Variants in SPNS2 observed in about 807,000 individuals in gnomAD.
The protein encoded by SPNS2 is sphingosine-1-phosphate transporter SPNS2.
Under a neutral mutation model 57.6 loss-of-function variants are expected in SPNS2, and 37 were observed. The ratio of observed to expected loss-of-function variants is 0.64; its 90% CI spans 0.49 to 0.85. The LOEUF (loss-of-function observed/expected upper bound fraction) is 0.85. SPNS2 is among the 40% of genes least tolerant of loss of function. The pLI, the probability that SPNS2 is intolerant of heterozygous loss-of-function variation, is 0.00. For synonymous variants in SPNS2, 440 were observed against 346.9 expected, an observed-to-expected ratio of 1.27 and a Z score of -2.98; for missense variants, 831 against 779.1, an observed-to-expected ratio of 1.07 and a Z score of -0.79.
rs1193555004 is a variant in SPNS2 at position 4,512,456 on chromosome 17, C to T, written c.371-791C>T. ...TTCTGGGTGGTCCAGCTGCTGCCCC[C>T]ACCCCGTGACGTGCAAAGCCCTAAA... On this transcript the variant is annotated intron_variant, in intron 1 of 12. Transcript: ENST00000329078. This position sits in a 1 kb window ranked among gnomAD's most constrained non-coding sequence, Gnocchi z 5.2. Among the ~76,000 whole-genome samples the T allele has an allele frequency of 1.3e-5, 2 of 152,098 alleles. No homozygotes were observed. The highest frequency in any genetic ancestry group is 2.1e-4 in the South Asian group (1 of 4,820).
At chr17:4,530,971 C>A in intron 4 of SPNS2, 82 bp from the exon 5 acceptor site, 10 of 1,542,382 alleles carry the variant, frequency 6.5e-6, no homozygotes, top group Admixed American at 3.6e-5. Flanking sequence ...GGAGGGTGGG[C>A]AGCCTGCCTT....
rs769127856 is a variant in SPNS2 at position 4,536,257 on chromosome 17, T to G, written c.1444-6T>G. 6.2e-7 allele frequency: 1 copy of G among 1,611,452 alleles called. No homozygotes were observed. The highest frequency in any genetic ancestry group is 8.5e-7 in the Non-Finnish European group (1 of 1,179,420). Reference sequence around the variant, plus strand: ...TGCCCTGACATCCACCCCCAAATCCTCGCAGATCTCAGACCTGATCCGCCA... The same window carrying G: ...TGCCCTGACATCCACCCCCAAATCCGCGCAGATCTCAGACCTGATCCGCCA... On this transcript the variant is annotated splice_region_variant and splice_polypyrimidine_tract_variant and intron_variant, in intron 10 of 12. Transcript: ENST00000329078.
Position 4,536,359 on chromosome 17 carries a change from C to G in SPNS2, c.1540C>G (p.Leu514Val), listed in dbSNP as rs752706580. The G allele has an allele frequency of 9.8e-5, 158 of 1,610,290 alleles. No homozygotes were observed. The highest frequency in any genetic ancestry group is 1.3e-4 in the Non-Finnish European group (152 of 1,179,892). Residue 514 changes from leucine to valine, a missense_variant, in exon 11 of 13, where the codon CTG becomes GTG. Around this residue, in one of 2 missense-constraint regions of SPNS2, gnomAD observed 526 missense variants for 400.9 expected, o/e 1.31. Transcript: ENST00000329078. ...ALMLCPFVVV[L>V]GGMFFLATAL... ...CATGCTCTGCCCTTTCGTCGTGGTC[C>G]TGGGCGGCATGTTCTTCCTCGCCAC...
chr17:4,500,180 C>T (rs527714847), intron 1 of SPNS2, among the ~76,000 whole-genome samples: 1 of 152,348 alleles, frequency 6.6e-6, no homozygotes, highest in East Asian at 1.9e-4. Context: ...CTCTGGGAAT[C>T]AGCCTTGGGG....
rs773758403 is a variant in SPNS2, at chr17:4,499,827, C to T, written c.370+410C>T. On this transcript the variant is annotated intron_variant, in intron 1 of 12. Transcript: ENST00000329078. The surrounding 1 kb of genome is among the most constrained non-coding windows in gnomAD (Gnocchi z 5.2). ...CTTCCCCCAGCCCAGGTCGTCTGTC[C>T]GTCCATGGCCCGTCAGTTCCTTCCT... Among the ~76,000 whole-genome samples the T allele has an allele frequency of 6.6e-6, 1 of 152,208 alleles. No individual in the cohort carries two copies.
intron 2 of SPNS2, among the ~76,000 whole-genome samples, chr17:4,519,422 G>A (rs1047822241): frequency 3.3e-5 from 5 of 152,206 alleles, no homozygotes; most frequent in African/African-American, 1.2e-4. Flanking sequence ...GCCGTGAGAG[G>A]TGGACAGCAC....
Position 4,510,530 on chromosome 17 carries a change from C to T in SPNS2, c.371-2717C>T, listed in dbSNP as rs1904802738. On this transcript the variant is annotated intron_variant, in intron 1 of 12. Coordinates refer to ENST00000329078, the MANE Select transcript of SPNS2 (RefSeq NM_001124758.3). This position sits in a 1 kb window ranked among gnomAD's most constrained non-coding sequence, Gnocchi z 4.4. ...ATAGCTGGATACTGCAGGGAGGAAG[C>T]GAGAGTGCTTTGATTTGCCGTGGAC... Among the ~76,000 whole-genome samples the T allele has an allele frequency of 6.6e-6, 1 of 152,104 alleles. No individual in the cohort carries two copies. The highest frequency in any genetic ancestry group is 2.1e-4 in the South Asian group (1 of 4,828).
At position 4,508,622 on chromosome 17, in the gene SPNS2, G is replaced by T. The variant is rs575906155; in HGVS notation, c.371-4625G>T. 3.9e-5 allele frequency among the ~76,000 whole-genome samples: 6 copies of T among 152,326 alleles called. No individual in the cohort carries two copies. The South Asian group carries it at 1.2e-3, about 32-fold the overall frequency. On this transcript the variant is annotated intron_variant, in intron 1 of 12. Coordinates refer to ENST00000329078, the MANE Select transcript of SPNS2 (RefSeq NM_001124758.3). ...AAGAGCTGGCTTAGGGCCAGACCGT[G>T]GAGGCCTCAGATGCTAGAATTCTGG...
rs868113905 is a variant in SPNS2 at position 4,533,023 on chromosome 17, G to A, written c.982G>A (p.Ala328Thr). 8 of 1,613,170 alleles carry A rather than the reference G, an allele frequency of 5.0e-6. No individual in the cohort carries two copies. Among genetic ancestry groups the A allele is most frequent in the African/African-American group, 2.7e-5 (2 of 74,918 alleles). Residue 328 changes from alanine to threonine, a missense_variant, in exon 7 of 13, where the codon GCC (alanine) becomes ACC (threonine). By Grantham distance (58) the Ala-to-Thr change is moderately conservative. Coordinates refer to ENST00000329078, the MANE Select transcript of SPNS2 (RefSeq NM_001124758.3). ...SSLATSAVSF[A>T]TGALGMWIPL... ...CCTGGCCACGTCGGCTGTCTCCTTC[G>A]CCACGGGGGCCCTGGGCATGTGGAT... is the stretch of plus-strand genomic sequence containing the variant.
At chr17:4,505,638 C>T (rs1335361850) in intron 1 of SPNS2, among the ~76,000 whole-genome samples, 1 of 152,238 alleles carries the variant, frequency 6.6e-6, no homozygotes, top group Non-Finnish European at 1.5e-5. Flanking sequence ...CCAGGTCACA[C>T]AGTGAGGCCG....
chr17:4,538,655 G>A lies in SPNS2; in HGVS notation c.*1207G>A, dbSNP rs1267252456. ...GGTGGGGTGGGGGGTGAGGCCTTGT[G>A]GCCAATGGGGGACCCCCCAAGAGCC... On this transcript the variant is annotated 3_prime_UTR_variant, in exon 13 of 13. Coordinates refer to ENST00000329078, the MANE Select transcript of SPNS2 (RefSeq NM_001124758.3). 3 of 519,826 alleles carry A rather than the reference G, an allele frequency of 5.8e-6. No individual in the cohort carries two copies. Among genetic ancestry groups the A allele is most frequent in the East Asian group, 3.5e-5 (1 of 28,798 alleles). The allele number at this position is 519,826 out of a possible 1,614,324, so 32.2% of individuals were successfully genotyped here.
chr17:4,528,300 G>C (rs1905320325), intron 3 of SPNS2, among the ~76,000 whole-genome samples: 1 of 152,082 alleles, frequency 6.6e-6, no homozygotes, highest in Non-Finnish European at 1.5e-5. Context: ...TGGAATTATA[G>C]GTGTGAGCCA....
At position 4,499,086 on chromosome 17, in the gene SPNS2, C is replaced by A; in HGVS notation, c.39C>A (p.Gly13=). The A allele has an allele frequency of 2.9e-6, 3 of 1,047,596 alleles. No homozygotes were observed. Among genetic ancestry groups the A allele is most frequent in the Non-Finnish European group, 3.4e-6 (3 of 872,724 alleles). 64.9% of individuals were successfully genotyped at this position (1,047,596 alleles called of 1,614,324 possible). ...AATGCGCCTCGGCGGCGGCGGGCGG[C>A]GCGGAGGAGGAGGAGGCGGACGCGG... The part of the protein sequence containing the change: ...CLECASAAAG[G]AEEEEADAER... Residue 13 remains glycine (G), a synonymous_variant, in exon 1 of 13, where the codon GGC becomes GGA. Coordinates refer to ENST00000329078, the MANE Select transcript of SPNS2 (RefSeq NM_001124758.3). The surrounding 1 kb of genome is among the most constrained non-coding windows in gnomAD (Gnocchi z 5.2).
chr17:4,524,131 C>T (rs370582394), intron 2 of SPNS2, among the ~76,000 whole-genome samples: 3 of 152,308 alleles, frequency 2.0e-5, no homozygotes, highest in African/African-American at 7.2e-5. Flanking sequence ...GTTCCAGGCC[C>T]AGTTCTGCCT....
chr17:4,517,996 A>G (rs1905037895), intron 2 of SPNS2, among the ~76,000 whole-genome samples: 3 of 152,272 alleles, frequency 2.0e-5, no homozygotes, highest in Non-Finnish European at 4.4e-5. Flanking sequence ...ATCAGCGTCA[A>G]TGCAACACAG....
chr17:4,523,372 A>G (rs1391384883), intron 2 of SPNS2, among the ~76,000 whole-genome samples: 1 of 152,226 alleles, frequency 6.6e-6, no homozygotes, highest in Non-Finnish European at 1.5e-5. Flanking sequence ...TGGGAGGCGG[A>G]GGTTGCAGTG....
At position 4,539,027 on chromosome 17, in the gene SPNS2, T is replaced by C; in HGVS notation, c.*1579T>C. The stretch of plus-strand genomic sequence containing the variant: ...TCTTGTAAATGAAGAAATAAACCTA[T>C]TTAAATCACCCCCTGGTGGCTCCCT... On this transcript the variant is annotated 3_prime_UTR_variant, in exon 13 of 13. Coordinates refer to ENST00000329078, the MANE Select transcript of SPNS2 (RefSeq NM_001124758.3). 1.1e-6 allele frequency: 1 copy of C among 871,264 alleles called. No individual in the cohort carries two copies. Among genetic ancestry groups the C allele is most frequent in the South Asian group, 1.3e-5 (1 of 76,170 alleles). 54.0% of individuals were successfully genotyped at this position (871,264 alleles called of 1,614,324 possible).
rs1467155019 is a variant in SPNS2 at position 4,499,937 on chromosome 17, T to C, written c.370+520T>C. On this transcript the variant is annotated intron_variant, in intron 1 of 12. Coordinates refer to ENST00000329078, the MANE Select transcript of SPNS2 (RefSeq NM_001124758.3). The surrounding 1 kb of genome is among the most constrained non-coding windows in gnomAD (Gnocchi z 5.2). ...GTGCGCTAGGGAGACCGGGTGTGTG[T>C]GCGCGTGGCGGCGCGGTTGTGTGTG... Among the ~76,000 whole-genome samples, 1 of 151,790 alleles carries C rather than the reference T, an allele frequency of 6.6e-6. No homozygotes were observed. The highest frequency in any genetic ancestry group is 2.4e-5 in the African/African-American group (1 of 41,384).
At position 4,533,427 on chromosome 17, in the gene SPNS2, GC is replaced by G; in HGVS notation, c.1275del (p.Tyr426IlefsTer60). The stretch of plus-strand genomic sequence containing the variant: ...GGCTGCCAAGAGCAGCATCGTAGGA[GC>G]CTATGTGAGTGCAGCGGGGGTCAAG... Reference protein sequence around the residue: ...FVAAKSSIVGAYICIFVGETL... With the variant: ...FVAAKSSIVGXYICIFVGETL... On this transcript the variant is annotated frameshift_variant, in exon 8 of 13. Coordinates refer to ENST00000329078, the MANE Select transcript of SPNS2 (RefSeq NM_001124758.3). LOFTEE classifies it high-confidence loss of function. 1 of 1,599,628 alleles carries G rather than the reference GC, an allele frequency of 6.3e-7. No individual in the cohort carries two copies. The highest frequency in any genetic ancestry group is 8.5e-7 in the Non-Finnish European group (1 of 1,173,058).
Sources: gnomAD v4.1 joint callset for allele counts (sites outside exome capture counted in the v4.1 genomes callset) on GRCh38, gnomAD v4.1.1 for gene constraint, gnomAD v4.1.1 regional missense constraint, Gnocchi (gnomAD v3.1) non-coding constraint, MANE v1.5 for transcripts, NCBI Gene and HGNC (gene_info 2026-07-23, HGNC 2026-07-21) for gene names.